The following ST18 variants were observed in gnomAD, a reference collection of about 807,000 sequenced individuals.
ST18 encodes the protein ST18 C2H2C-type zinc finger transcription factor.
In ST18, 50 loss-of-function variants were observed where a neutral mutation model predicts 110.0. The observed-to-expected ratio is 0.45, with a 90% CI of 0.36 to 0.58. The LOEUF is 0.58. Ranked by LOEUF, ST18 falls within the 20% of genes least tolerant of loss-of-function variation. The probability of loss-of-function intolerance (pLI) is 0.00; values close to 1 mark genes in which losing one functional copy is unlikely to be tolerated. For missense variants in ST18, 1,306 were observed against 1,280.1 expected, an observed-to-expected ratio of 1.02 and a Z score of -0.31; for synonymous variants, 461 against 452.4, an observed-to-expected ratio of 1.02 and a Z score of -0.24.
At chr8:52,237,415 A>G (rs1257016796) in intron 2 of ST18, among the ~76,000 whole-genome samples, 1 of 152,210 alleles carries the variant, frequency 6.6e-6, no homozygotes, top group East Asian at 1.9e-4. Flanking sequence ...TATTAACTCA[A>G]TCTGCATAAC....
chr8:52,270,175 T>C (rs1163272154), intron 2 of ST18, among the ~76,000 whole-genome samples: 2 of 152,224 alleles, frequency 1.3e-5, no homozygotes, highest in Admixed American at 1.3e-4. Context: ...TTTTATATTG[T>C]TGTGAATATA....
At chr8:52,176,027 CT>C (rs771680772) in intron 9 of ST18, among the ~76,000 whole-genome samples, 579 of 144,588 alleles carry the variant, frequency 4.0e-3, no homozygotes, top group Admixed American at 5.3e-3. Flanking sequence ...TCAGCTAACT[CT>C]TTTTTTTTTT....
chr8:52,141,511 C>A (rs1172335628), intron 17 of ST18, among the ~76,000 whole-genome samples: 1 of 152,182 alleles, frequency 6.6e-6, no homozygotes, highest in Admixed American at 6.5e-5. Flanking sequence ...CCACTTTGTG[C>A]CCTCTGAGGC....
chr8:52,295,090 C>T (rs912673785), intron 2 of ST18, among the ~76,000 whole-genome samples: 9 of 152,222 alleles, frequency 5.9e-5, no homozygotes, highest in Non-Finnish European at 1.3e-4. Context: ...ATTTCATCAC[C>T]TCTAGCCTGA....
chr8:52,166,891 G>T lies in ST18; in HGVS notation c.1165C>A (p.Leu389Ile), dbSNP rs1237063357. 1.2e-6 allele frequency: 2 copies of T among 1,606,442 alleles called. 1 individual carries two copies. The highest frequency in any genetic ancestry group is 4.5e-5 in the East Asian group (2 of 44,592). ...CGCACTTTGTGGGGGCACCCCGAAA[G>T]GCTGCGGTGGTGCGGGTAGAGCCCT... ...VTGLYPHHRS[L>I]SGCPHKVRVP... is the part of the protein sequence containing the mutation. The change falls in exon 11 of 26, where the codon CTT becomes ATT. Residue 389 changes from leucine (L) to isoleucine (I), a missense_variant. By Grantham distance (5) the Leu-to-Ile change is conservative. Coordinates refer to ENST00000689386, the MANE Select transcript of ST18 (RefSeq NM_001352837.2).
At chr8:52,284,864 C>T (rs984043161) in intron 2 of ST18, among the ~76,000 whole-genome samples, 1 of 151,378 alleles carries the variant, frequency 6.6e-6, no homozygotes, top group African/African-American at 2.5e-5. Flanking sequence ...GGCTCATTCT[C>T]ATCTCAAATA....
chr8:52,111,041 A>G lies in ST18; in HGVS notation c.*2157T>C, dbSNP rs575613570. 9.4e-4 allele frequency: 376 copies of G among 398,800 alleles called. No homozygotes were observed. The highest frequency in any genetic ancestry group is 1.5e-3 in the Non-Finnish European group (329 of 225,924). 24.7% of individuals were successfully genotyped at this position (398,800 alleles called of 1,614,324 possible). A position where few individuals can be genotyped will look rare whatever the true frequency, so the allele number is the denominator to read the frequency against. On this transcript the variant is annotated 3_prime_UTR_variant, in exon 26 of 26. Coordinates refer to ENST00000689386, the MANE Select transcript of ST18 (RefSeq NM_001352837.2). ...TTGATCATTAACATAGTTGAAAAGA[A>G]AACAAATTCAGTGCACATTACAAAA...
chr8:52,378,113 G>A (rs577058560), intron 2 of ST18, among the ~76,000 whole-genome samples: 1 of 152,146 alleles, frequency 6.6e-6, no homozygotes, highest in Admixed American at 6.5e-5. Context: ...GACAGGGAGG[G>A]GAATAGAGAA....
At chr8:52,129,830 A>C (rs2048509304) in intron 22 of ST18, among the ~76,000 whole-genome samples, 1 of 152,118 alleles carries the variant, frequency 6.6e-6, no homozygotes, top group Non-Finnish European at 1.5e-5. Flanking sequence ...AGATCACCTG[A>C]GGTCAGGAGT....
At chr8:52,214,327 G>C (rs1486699197) in intron 6 of ST18, 70 bp from the exon 7 acceptor site, 12 of 1,515,460 alleles carry the variant, frequency 7.9e-6, no homozygotes, top group Non-Finnish European at 1.1e-5. Flanking sequence ...CATGTAATTA[G>C]AAGTTCTGAA....
intron 2 of ST18, among the ~76,000 whole-genome samples, chr8:52,274,261 C>G (rs2095166344): frequency 6.6e-6 from 1 of 152,058 alleles, no homozygotes; most frequent in East Asian, 1.9e-4. Context: ...TTAGGTGCTA[C>G]ACAGAATTCC....
chr8:52,212,944 C>T (rs1295536118), intron 7 of ST18, among the ~76,000 whole-genome samples: 3 of 152,192 alleles, frequency 2.0e-5, no homozygotes, highest in Non-Finnish European at 4.4e-5. Context: ...TCGAAATACA[C>T]ACTCTAGCAT....
chr8:52,145,037 T>C (rs1448568286), intron 16 of ST18, among the ~76,000 whole-genome samples: 1 of 151,208 alleles, frequency 6.6e-6, no homozygotes. Flanking sequence ...CAGCCTTTGT[T>C]TTTCTGTTTA....
At chr8:52,290,096 C>T (rs16917638) in intron 2 of ST18, among the ~76,000 whole-genome samples, 5,688 of 152,176 alleles carry the variant, frequency 0.037, 177 homozygotes, top group Admixed American at 0.081. Flanking sequence ...ATCCATGTCC[C>T]TCCTCACATA....
chr8:52,276,101 T>C (rs1412939913), intron 2 of ST18, among the ~76,000 whole-genome samples: 22 of 63,314 alleles, frequency 3.5e-4, no homozygotes, highest in Admixed American at 3.6e-4. Context: ...ACCACACACA[T>C]GAAACACACA....
chr8:52,251,830 G>A (rs118135501), intron 2 of ST18, among the ~76,000 whole-genome samples: 1,815 of 152,080 alleles, frequency 0.012, 13 homozygotes, highest in Middle Eastern at 0.02. Flanking sequence ...AGGATTAGCC[G>A]TCCAAAGTTT....
At chr8:52,118,728 C>T (rs1258828160) in intron 23 of ST18, among the ~76,000 whole-genome samples, 1 of 152,072 alleles carries the variant, frequency 6.6e-6, no homozygotes, top group Non-Finnish European at 1.5e-5. Flanking sequence ...TTACATCTTA[C>T]CACACCCTAC....
intron 2 of ST18, chr8:52,406,140 T>G (rs1466017435): frequency 2.6e-5 from 4 of 152,244 alleles, no homozygotes; most frequent in Non-Finnish European, 4.4e-5. Context: ...ATGGTCTAAC[T>G]GCACTGTCTG....
intron 5 of ST18, among the ~76,000 whole-genome samples, chr8:52,218,378 C>CT (rs1369939268): frequency 8.9e-5 from 12 of 135,290 alleles, no homozygotes; most frequent in Non-Finnish European, 1.4e-4. Context: ...GGTAGCTACT[C>CT]TTTTTTTTTC....
Sources: allele counts gnomAD v4.1 joint callset (sites outside exome capture counted in the v4.1 genomes callset), GRCh38; gene constraint gnomAD v4.1.1; transcripts MANE v1.5; gene names NCBI Gene and HGNC (gene_info 2026-07-23, HGNC 2026-07-21).